The following DCPS variants were observed in gnomAD, a reference collection of about 807,000 sequenced individuals.
DCPS encodes m7GpppX diphosphatase.
A neutral mutation model predicts 34.7 loss-of-function variants in DCPS; 27 were observed. The ratio of observed to expected loss-of-function variants is 0.78; its 90% confidence interval spans 0.57 to 1.07. The LOEUF (loss-of-function observed/expected upper bound fraction) is 1.07. Ranked by LOEUF, DCPS falls within the 50% of genes least tolerant of loss-of-function variation. DCPS has a pLI of 0.00. For missense variants in DCPS, 464 were observed against 436.9 expected (o/e 1.06, Z -0.55); for synonymous variants, 185 against 185.7 (o/e 1.00, Z 0.03).
At chr11:126,311,537 G>A (rs1951618394) in intron 2 of DCPS, among the ~76,000 whole-genome samples, 1 of 152,230 alleles carries the variant, frequency 6.6e-6, no homozygotes, top group Non-Finnish European at 1.5e-5. Flanking sequence ...AGGGCTCTAG[G>A]AGGGCTCTCT....
Position 126,334,202 on chromosome 11 carries a change from C to T in DCPS, c.522+2652C>T, listed in dbSNP as rs1951813306. ...GTGGATAGAAGGATAATTCATGACC[C>T]AGTATAGGGGACAGAAACAGAAGAG... On this transcript the variant is annotated intron_variant, in intron 3 of 5. Transcript: ENST00000263579. The surrounding 1 kb of genome is among the most constrained non-coding windows in gnomAD (Gnocchi z 5.5). Among the ~76,000 whole-genome samples the T allele has an allele frequency of 6.6e-6, 1 of 152,058 alleles. No homozygotes were observed.
chr11:126,304,141 C>G lies in DCPS; in HGVS notation c.61C>G (p.His21Asp), dbSNP rs759091675. ...RKRELDVEEA[H>D]AASTEEKEAG... ...GCGCGAATTGGACGTGGAGGAGGCC[C>G]ACGCCGCCAGCACAGAGGAAAAGGA... Residue 21 changes from histidine (H) to aspartate (D), a missense_variant, in exon 1 of 6, where the codon CAC (histidine) becomes GAC (aspartate). By Grantham distance (81) the His-to-Asp change is moderately conservative. Coordinates refer to ENST00000263579, the MANE Select transcript of DCPS (RefSeq NM_014026.6). 16 of 1,614,046 alleles carry G rather than the reference C, an allele frequency of 9.9e-6. No homozygotes were observed. The highest frequency in any genetic ancestry group is 1.6e-4 in the Middle Eastern group (1 of 6,082).
rs905935233 is a variant in DCPS, at chr11:126,338,203, G to A, written c.523-83G>A. 4.6e-5 allele frequency: 61 copies of A among 1,330,914 alleles called. No homozygotes were observed. In the African/African-American group the frequency reaches 8.1e-4, roughly 18 times the overall value. 82.4% of individuals were successfully genotyped at this position (1,330,914 alleles called of 1,614,324 possible). On this transcript the variant is annotated intron_variant, in intron 3 of 5. Coordinates refer to ENST00000263579, the MANE Select transcript of DCPS (RefSeq NM_014026.6). This position sits in a 1 kb window ranked among gnomAD's most constrained non-coding sequence, Gnocchi z 5.4. The stretch of plus-strand genomic sequence containing the variant: ...TTGGTTCTGTCTCCTGGAGAGGCCA[G>A]GGAATGCCCTGAGCTCAGTTTGGGG...
chr11:126,343,111 G>A (rs1473336589), intron 4 of DCPS, among the ~76,000 whole-genome samples, 196 bp from the exon 5 acceptor site: 1 of 149,078 alleles, frequency 6.7e-6, no homozygotes, highest in Non-Finnish European at 1.5e-5. Flanking sequence ...GTATTCTCTA[G>A]CAAGAAGCGT....
In DCPS at chr11:126,328,805, G is replaced by T. The variant is rs571514403; in HGVS notation, c.377-2600G>T. Among the ~76,000 whole-genome samples the T allele has an allele frequency of 1.3e-5, 2 of 152,180 alleles. No homozygotes were observed. The highest frequency in any genetic ancestry group is 2.9e-5 in the Non-Finnish European group (2 of 68,024). On this transcript the variant is annotated intron_variant, in intron 2 of 5. Transcript: ENST00000263579. This position sits in a 1 kb window ranked among gnomAD's most constrained non-coding sequence, Gnocchi z 6.6. ...CAGCGGAGAGAATCCAAGCTAGCCT[G>T]GGGGGAGCGCTTTTCTCCATGTGAG...
intron 2 of DCPS, among the ~76,000 whole-genome samples, chr11:126,309,276 T>C (rs758932567): frequency 5.9e-5 from 9 of 152,164 alleles, no homozygotes; most frequent in Non-Finnish European, 1.3e-4. Flanking sequence ...TCCAAAGTGC[T>C]GGGATTACAG....
At position 126,338,500 on chromosome 11, in the gene DCPS, G is replaced by C; in HGVS notation, c.636+101G>C. The C allele has an allele frequency of 9.2e-7, 1 of 1,084,694 alleles. No homozygotes were observed. Among genetic ancestry groups the C allele is most frequent in the Admixed American group, 1.9e-5 (1 of 52,408 alleles). The allele number at this position is 1,084,694 out of a possible 1,614,324, so 67.2% of individuals were successfully genotyped here. A position where few individuals can be genotyped will look rare whatever the true frequency, so the allele number is the denominator to read the frequency against. On this transcript the variant is annotated intron_variant, in intron 4 of 5. Transcript: ENST00000263579. The surrounding 1 kb of genome is among the most constrained non-coding windows in gnomAD (Gnocchi z 5.4). ...TCTCACGCTGGCCTGTCTCTAAGCA[G>C]ATTATAATTAACCAACAAGGGTTGG...
rs1951713305 is a variant in DCPS at position 126,322,290 on chromosome 11, G to GTCTCA, written c.377-9114_377-9110dup. 6.6e-6 allele frequency among the ~76,000 whole-genome samples: 1 copy of GTCTCA among 152,114 alleles called. No individual in the cohort carries two copies. The highest frequency in any genetic ancestry group is 1.5e-5 in the Non-Finnish European group (1 of 68,038). On this transcript the variant is annotated intron_variant, in intron 2 of 5. Coordinates refer to ENST00000263579, the MANE Select transcript of DCPS (RefSeq NM_014026.6). The surrounding 1 kb of genome is among the most constrained non-coding windows in gnomAD (Gnocchi z 4.2). ...TTTATTTTTATTTTTTTGAGACAGA[G>GTCTCA]TCTCACTTTGTCGCCCAGGCTGGAG...
intron 2 of DCPS, among the ~76,000 whole-genome samples, chr11:126,318,073 A>G (rs1250390581): frequency 6.6e-6 from 1 of 152,170 alleles, no homozygotes; most frequent in Admixed American, 6.5e-5. Flanking sequence ...TCTGGACTTC[A>G]GAGGACTAGC....
At position 126,320,571 on chromosome 11, in the gene DCPS, G is replaced by A. The variant is rs1193339898; in HGVS notation, c.377-10834G>A. On this transcript the variant is annotated intron_variant, in intron 2 of 5. Coordinates refer to ENST00000263579, the MANE Select transcript of DCPS (RefSeq NM_014026.6). This position sits in a 1 kb window ranked among gnomAD's most constrained non-coding sequence, Gnocchi z 4.7. The stretch of plus-strand genomic sequence containing the variant: ...TAATCCCAACACATTGGGAGGCCAA[G>A]GTGGGTGGATTGCTTGAGCCCAAGA... Among the ~76,000 whole-genome samples, 1 of 152,176 alleles carries A rather than the reference G, an allele frequency of 6.6e-6. No individual in the cohort carries two copies. Among genetic ancestry groups the A allele is most frequent in the Admixed American group, 6.5e-5 (1 of 15,284 alleles).
At chr11:126,324,541 G>A (rs968963014) in intron 2 of DCPS, among the ~76,000 whole-genome samples, 21 of 149,722 alleles carry the variant, frequency 1.4e-4, no homozygotes, top group Non-Finnish European at 2.9e-4. Context: ...CACAACCTCC[G>A]TTTCGCAGCT....
rs34842509 is a variant in DCPS at position 126,335,925 on chromosome 11, A to G, written c.523-2361A>G. ...AGTGTGAAACTCCGTCTCAGAAAAA[A>G]CAAAAAACAAAAACCAACAAAAAAA... On this transcript the variant is annotated intron_variant, in intron 3 of 5. Transcript: ENST00000263579. This position sits in a 1 kb window ranked among gnomAD's most constrained non-coding sequence, Gnocchi z 4.8. Among the ~76,000 whole-genome samples the G allele has an allele frequency of 0.13, 20,174 of 151,848 alleles. 1,748 individuals are homozygous for G. Among genetic ancestry groups the G allele is most frequent in the South Asian group, 0.22 (1,072 of 4,806 alleles).
rs1432764656 is a variant in DCPS, at chr11:126,335,134, GGA to G, written c.523-3149_523-3148del. ...GCAATGGGCAGAGCTAAGACACCTG[GGA>G]GACGTGGCCAGGCCACACATGGCTG... On this transcript the variant is annotated intron_variant, in intron 3 of 5. Transcript: ENST00000263579. The surrounding 1 kb of genome is among the most constrained non-coding windows in gnomAD (Gnocchi z 4.8). Among the ~76,000 whole-genome samples, 1 of 152,238 alleles carries G rather than the reference GGA, an allele frequency of 6.6e-6. No individual in the cohort carries two copies. Among genetic ancestry groups the G allele is most frequent in the East Asian group, 1.9e-4 (1 of 5,192 alleles).
chr11:126,331,603 C>T lies in DCPS; in HGVS notation c.522+53C>T. 6.3e-7 allele frequency: 1 copy of T among 1,599,106 alleles called. No homozygotes were observed. The highest frequency in any genetic ancestry group is 8.5e-7 in the Non-Finnish European group (1 of 1,172,738). On this transcript the variant is annotated intron_variant, in intron 3 of 5. Coordinates refer to ENST00000263579, the MANE Select transcript of DCPS (RefSeq NM_014026.6). This position sits in a 1 kb window ranked among gnomAD's most constrained non-coding sequence, Gnocchi z 7.2. ...AGCACTGCTCCCGTGGCTGGTGCCTCCTCTTACGAGTGTCTATTGGGGTCA... is the reference window on the plus strand; with the variant it reads ...AGCACTGCTCCCGTGGCTGGTGCCTTCTCTTACGAGTGTCTATTGGGGTCA...
intron 4 of DCPS, 56 bp from the exon 5 acceptor site, chr11:126,343,251 C>G (rs1031990862): frequency 1.4e-6 from 2 of 1,479,882 alleles, no homozygotes; most frequent in Admixed American, 1.9e-5. Flanking sequence ...CCAGGGTTGG[C>G]AGCCTCCCCA....
In DCPS at chr11:126,335,181, C is replaced by T. The variant is rs1395923287; in HGVS notation, c.523-3105C>T. ...TGGCTGGAGGGGAAGTGCAAGGCAG[C>T]AGGCAGAAGCAGAGAGCAGGAGGTG... On this transcript the variant is annotated intron_variant, in intron 3 of 5. Coordinates refer to ENST00000263579, the MANE Select transcript of DCPS (RefSeq NM_014026.6). The surrounding 1 kb of genome is among the most constrained non-coding windows in gnomAD (Gnocchi z 4.8). Among the ~76,000 whole-genome samples, 1 of 152,202 alleles carries T rather than the reference C, an allele frequency of 6.6e-6. No individual in the cohort carries two copies. Among genetic ancestry groups the T allele is most frequent in the East Asian group, 1.9e-4 (1 of 5,190 alleles).
In DCPS at chr11:126,335,743, T is replaced by A. The variant is rs753369566; in HGVS notation, c.523-2543T>A. 1.3e-5 allele frequency among the ~76,000 whole-genome samples: 2 copies of A among 152,148 alleles called. No individual in the cohort carries two copies. The highest frequency in any genetic ancestry group is 2.4e-5 in the African/African-American group (1 of 41,420). On this transcript the variant is annotated intron_variant, in intron 3 of 5. Transcript: ENST00000263579. The surrounding 1 kb of genome is among the most constrained non-coding windows in gnomAD (Gnocchi z 4.8). ...GAGTTTGAGACCAGCCTGGCCAACA[T>A]GACGCAACCCATCTCTACTAAAAAT...
intron 2 of DCPS, among the ~76,000 whole-genome samples, chr11:126,314,770 CAT>C (rs767136023): frequency 2.0e-5 from 3 of 152,012 alleles, no homozygotes; most frequent in Non-Finnish European, 4.4e-5. Context: ...TGTTCTCACT[CAT>C]ATGTGGGAGC....
chr11:126,313,677 A>G lies in DCPS; in HGVS notation c.376+6933A>G, dbSNP rs191399874. Among the ~76,000 whole-genome samples, 1 of 152,208 alleles carries G rather than the reference A, an allele frequency of 6.6e-6. No individual in the cohort carries two copies. The highest frequency in any genetic ancestry group is 1.5e-5 in the Non-Finnish European group (1 of 68,034). ...ACATGTGTAATAAGACTATGAGGAC[A>G]AAAAGGAAATGATTAACCCCCAAAT... On this transcript the variant is annotated intron_variant, in intron 2 of 5. Coordinates refer to ENST00000263579, the MANE Select transcript of DCPS (RefSeq NM_014026.6). The surrounding 1 kb of genome is among the most constrained non-coding windows in gnomAD (Gnocchi z 4.9).
Sources: gnomAD v4.1 joint callset for allele counts (sites outside exome capture counted in the v4.1 genomes callset) on GRCh38, gnomAD v4.1.1 for gene constraint, Gnocchi (gnomAD v3.1) non-coding constraint, MANE v1.5 for transcripts, NCBI Gene and HGNC (gene_info 2026-07-23, HGNC 2026-07-21) for gene names.